Variants in FAM107A observed in about 807,000 individuals in gnomAD.
FAM107A encodes actin-associated protein FAM107A.
A neutral mutation model predicts 13.7 loss-of-function variants in FAM107A; 19 were observed. The observed-to-expected ratio is 1.38, with a 90% CI of 0.97 to 2.03. The LOEUF (loss-of-function observed/expected upper bound fraction) is 2.03, where lower values mean the gene tolerates loss of function less well. Ranked by LOEUF, FAM107A falls within the 30% of genes most tolerant of loss-of-function variation. The pLI is 0.00. For synonymous variants in FAM107A, 82 were observed against 74.5 expected, an observed-to-expected ratio of 1.10 and a Z score of -0.52; for missense variants, 203 against 184.4, an observed-to-expected ratio of 1.10 and a Z score of -0.58.
chr3:58,624,074 A>G (rs1387672419), intron 1 of FAM107A, among the ~76,000 whole-genome samples: 1 of 152,070 alleles, frequency 6.6e-6, no homozygotes, highest in African/African-American at 2.4e-5. Flanking sequence ...AGGCCCATGG[A>G]AGGTGCTTTT....
rs978488958 is a variant in FAM107A at position 58,564,680 on chromosome 3, C to T, written c.*1908G>A. ...CGTCCATCTGAGACCCTCTGTCTTG[C>T]TTCTCTTCACATGTCTGAACAACAC... On this transcript the variant is annotated 3_prime_UTR_variant, in exon 4 of 4. Transcript: ENST00000360997. The surrounding 1 kb of genome is among the most constrained non-coding windows in gnomAD (Gnocchi z 5.6). The T allele has an allele frequency of 6.6e-6, 1 of 152,268 alleles. No homozygotes were observed. Among genetic ancestry groups the T allele is most frequent in the Non-Finnish European group, 1.5e-5 (1 of 68,054 alleles). 9.4% of individuals were successfully genotyped at this position (152,268 alleles called of 1,614,324 possible). A position where few individuals can be genotyped will look rare whatever the true frequency, so the allele number is the denominator to read the frequency against.
intron 1 of FAM107A, among the ~76,000 whole-genome samples, chr3:58,586,041 A>G (rs2065602248): frequency 6.6e-6 from 1 of 152,218 alleles, no homozygotes; most frequent in Non-Finnish European, 1.5e-5. Flanking sequence ...AGTTGCATGC[A>G]CACATATAGA....
In FAM107A at chr3:58,613,679, A is replaced by T. The variant is rs2108079941; in HGVS notation, c.-70+13737T>A. On this transcript the variant is annotated intron_variant, in intron 1 of 3. Coordinates refer to the FAM107A transcript ENST00000465970. This position sits in a 1 kb window ranked among gnomAD's most constrained non-coding sequence, Gnocchi z 4.6. The stretch of plus-strand genomic sequence containing the variant: ...CCTCCTCCAGGAAGCCTTCCCTGAT[A>T]TTCCCCTCCCTAGGATTGGGTACCC... Among the ~76,000 whole-genome samples the T allele has an allele frequency of 6.6e-6, 1 of 152,086 alleles. No homozygotes were observed. Among genetic ancestry groups the T allele is most frequent in the Admixed American group, 6.5e-5 (1 of 15,284 alleles).
At chr3:58,575,701 T>C (rs1013645027) in intron 1 of FAM107A, among the ~76,000 whole-genome samples, 2 of 152,238 alleles carry the variant, frequency 1.3e-5, no homozygotes, top group South Asian at 4.1e-4. Context: ...TGTGAGCCCA[T>C]TTTATAGATA....
intron 1 of FAM107A, among the ~76,000 whole-genome samples, chr3:58,601,431 A>G (rs988404214): frequency 3.9e-5 from 6 of 152,224 alleles, no homozygotes; most frequent in Non-Finnish European, 8.8e-5. Flanking sequence ...TTGTCACTCT[A>G]TGGCACATCG....
At chr3:58,573,298 G>A (rs1187814549) in intron 1 of FAM107A, among the ~76,000 whole-genome samples, 1 of 152,234 alleles carries the variant, frequency 6.6e-6, no homozygotes, top group Non-Finnish European at 1.5e-5. Context: ...TTAGAAAGCT[G>A]AGCCAGCCTT....
chr3:58,581,863 G>A (rs1247037570), upstream of FAM107A, among the ~76,000 whole-genome samples: 1 of 152,232 alleles, frequency 6.6e-6, no homozygotes, highest in African/African-American at 2.4e-5. Flanking sequence ...AATTAGACAT[G>A]GTTAATTTGG....
upstream of FAM107A, among the ~76,000 whole-genome samples, chr3:58,579,520 G>T (rs760492275): frequency 2.6e-5 from 4 of 152,078 alleles, no homozygotes; most frequent in Non-Finnish European, 5.9e-5. Flanking sequence ...AAACTCTCCT[G>T]GTAGAAGAGG....
intron 2 of FAM107A, among the ~76,000 whole-genome samples, chr3:58,568,223 A>T (rs1245783373): frequency 6.6e-6 from 1 of 152,142 alleles, no homozygotes; most frequent in Non-Finnish European, 1.5e-5. Context: ...TCACGAGGTC[A>T]GGAGACCGAG....
rs111374252 is a variant in FAM107A at position 58,565,364 on chromosome 3, T to C, written c.*1224A>G. On this transcript the variant is annotated 3_prime_UTR_variant, in exon 4 of 4. Coordinates refer to ENST00000360997, the MANE Select transcript of FAM107A (RefSeq NM_001076778.3). ...AGTGGGGTCTTCAAACCACTGTTTC[T>C]ATTCCAGAAGCCTACTGAAAATCAT... 1.3e-5 allele frequency: 2 copies of C among 150,486 alleles called. No homozygotes were observed. The highest frequency in any genetic ancestry group is 4.9e-5 in the African/African-American group (2 of 41,140). The allele number at this position is 150,486 out of a possible 1,614,324, so 9.3% of individuals were successfully genotyped here. A position where few individuals can be genotyped will look rare whatever the true frequency, so the allele number is the denominator to read the frequency against.
intron 1 of FAM107A, among the ~76,000 whole-genome samples, chr3:58,605,854 A>G (rs2065790040): frequency 6.6e-6 from 1 of 152,214 alleles, no homozygotes; most frequent in South Asian, 2.1e-4. Flanking sequence ...AGACCCAAGA[A>G]TCAGGTTTGC....
At chr3:58,606,837 C>T (rs775354188) in intron 1 of FAM107A, among the ~76,000 whole-genome samples, 140 of 152,312 alleles carry the variant, frequency 9.2e-4, no homozygotes, top group Non-Finnish European at 1.7e-3. Context: ...ATACCTATTT[C>T]TCCCTCCAGC....
rs1029016812 is a variant in FAM107A at position 58,603,170 on chromosome 3, G to A, written c.-69-13901C>T. ...GATAACTCTGCCTCAACTGTATTAA[G>A]CAGTCTAAATGCAATTATTTCCCCA... On this transcript the variant is annotated intron_variant, in intron 1 of 3. Transcript: ENST00000465970. 5.3e-5 allele frequency among the ~76,000 whole-genome samples: 8 copies of A among 152,256 alleles called. No individual in the cohort carries two copies. The South Asian group carries it at 8.3e-4, about 16-fold the overall frequency.
chr3:58,564,516 T>A lies in FAM107A; in HGVS notation c.*2072A>T, dbSNP rs192811028. The A allele has an allele frequency of 3.9e-5, 6 of 152,332 alleles. No homozygotes were observed. The highest frequency in any genetic ancestry group is 3.3e-4 in the Admixed American group (5 of 15,304). The allele number at this position is 152,332 out of a possible 1,614,324, so 9.4% of individuals were successfully genotyped here. A position where few individuals can be genotyped will look rare whatever the true frequency, so the allele number is the denominator to read the frequency against. ...ACGACCCCTGAAAAGTGAACCAAGGTCGTCTGCACGGCTGCCCTGGAGGGC... is the reference window on the plus strand; with the variant it reads ...ACGACCCCTGAAAAGTGAACCAAGGACGTCTGCACGGCTGCCCTGGAGGGC... On this transcript the variant is annotated 3_prime_UTR_variant, in exon 4 of 4. Transcript: ENST00000360997. The surrounding 1 kb of genome is among the most constrained non-coding windows in gnomAD (Gnocchi z 5.6).
chr3:58,590,232 C>G (rs59620238), upstream of FAM107A, among the ~76,000 whole-genome samples: 7,283 of 152,284 alleles, frequency 0.048, 199 homozygotes, highest in Non-Finnish European at 0.058. Flanking sequence ...CATGTGCCTC[C>G]CCTGTCTCCC....
intron 1 of FAM107A, among the ~76,000 whole-genome samples, chr3:58,620,599 C>T (rs887979873): frequency 3.3e-5 from 5 of 152,224 alleles, no homozygotes; most frequent in African/African-American, 1.2e-4. Context: ...TTGGAAGAGG[C>T]GGTTCCAGGG....
chr3:58,582,781 C>T (rs2065562507), intron 1 of FAM107A, among the ~76,000 whole-genome samples: 1 of 152,204 alleles, frequency 6.6e-6, no homozygotes. Flanking sequence ...TTTGATAACT[C>T]ACTTAAGAGC....
intron 1 of FAM107A, among the ~76,000 whole-genome samples, chr3:58,585,986 C>T (rs2065601766): frequency 6.6e-6 from 1 of 152,230 alleles, no homozygotes; most frequent in Admixed American, 6.5e-5. Flanking sequence ...TATCATCCAA[C>T]CCCCAACCTT....
At position 58,613,501 on chromosome 3, in the gene FAM107A, C is replaced by A. The variant is rs779696434; in HGVS notation, c.-70+13915G>T. ...CTCATCCTGCCCTGCCCAGCCCCTG[C>A]CTGCTGCTCTGGCCTGACCAACTTG... On this transcript the variant is annotated intron_variant, in intron 1 of 3. Coordinates refer to the FAM107A transcript ENST00000465970. This position sits in a 1 kb window ranked among gnomAD's most constrained non-coding sequence, Gnocchi z 4.6. Among the ~76,000 whole-genome samples, 4 of 152,196 alleles carry A rather than the reference C, an allele frequency of 2.6e-5. No individual in the cohort carries two copies. Among genetic ancestry groups the A allele is most frequent in the Non-Finnish European group, 5.9e-5 (4 of 68,036 alleles).
Sources: allele counts gnomAD v4.1 joint callset (sites outside exome capture counted in the v4.1 genomes callset), GRCh38; gene constraint gnomAD v4.1.1; non-coding constraint Gnocchi (gnomAD v3.1); transcripts MANE v1.5; gene names NCBI Gene and HGNC (gene_info 2026-07-23, HGNC 2026-07-21).